NTM: variants seen among roughly 807,000 people sequenced by gnomAD.
NTM encodes neurotrimin.
Under a neutral mutation model 42.1 loss-of-function variants are expected in NTM, and 13 were observed. The ratio of observed to expected loss-of-function variants is 0.31; its 90% CI spans 0.20 to 0.49. The LOEUF (loss-of-function observed/expected upper bound fraction) is 0.49, where lower values mean the gene tolerates loss of function less well. Among genes scored for constraint, NTM ranks in the 20% least tolerant of loss-of-function variants. NTM has a pLI of 0.99. For missense variants in NTM, 373 were observed against 452.8 expected (o/e 0.82, Z 1.60); for synonymous variants, 187 against 179.2 (o/e 1.04, Z -0.35).
chr11:131,588,218 A>G (rs2059049358), intron 1 of NTM, among the ~76,000 whole-genome samples: 1 of 152,258 alleles, frequency 6.6e-6, no homozygotes, highest in African/African-American at 2.4e-5. Flanking sequence ...GACTGTTGGC[A>G]GGTTTTGGTC....
At chr11:131,839,068 C>G (rs1385763306) in intron 1 of NTM, among the ~76,000 whole-genome samples, 5 of 151,406 alleles carry the variant, frequency 3.3e-5, no homozygotes, top group Non-Finnish European at 7.4e-5. Flanking sequence ...TCATGCGATT[C>G]TCCTGCCTCA....
At chr11:132,028,724 C>G (rs949982556) in intron 2 of NTM, among the ~76,000 whole-genome samples, 3 of 152,162 alleles carry the variant, frequency 2.0e-5, no homozygotes, top group African/African-American at 7.2e-5. Context: ...GGTATTTTCC[C>G]TTCCCTGCAT....
chr11:131,802,421 T>C (rs1944204149), intron 1 of NTM, among the ~76,000 whole-genome samples: 1 of 152,232 alleles, frequency 6.6e-6, no homozygotes, highest in African/African-American at 2.4e-5. Flanking sequence ...TTCCCTGCTA[T>C]CGCCTCCAAC....
intron 4 of NTM, among the ~76,000 whole-genome samples, chr11:132,303,587 G>T (rs2094946321): frequency 6.6e-6 from 1 of 151,992 alleles, no homozygotes; most frequent in Non-Finnish European, 1.5e-5. Context: ...TGATGGTTAG[G>T]ATCTCAACAT....
intron 1 of NTM, among the ~76,000 whole-genome samples, chr11:131,431,708 T>G (rs1231006434): frequency 3.3e-5 from 5 of 152,238 alleles, no homozygotes; most frequent in Non-Finnish European, 7.3e-5. Context: ...TAAAGTCATT[T>G]TGGCTTCTAT....
intron 1 of NTM, among the ~76,000 whole-genome samples, chr11:131,531,381 C>T (rs573535347): frequency 6.6e-6 from 1 of 152,246 alleles, no homozygotes; most frequent in African/African-American, 2.4e-5. Flanking sequence ...CTTCTGGACT[C>T]AAGTGATCCT....
chr11:131,967,570 G>C (rs935924783), intron 2 of NTM, among the ~76,000 whole-genome samples: 16 of 152,258 alleles, frequency 1.1e-4, no homozygotes, highest in African/African-American at 3.9e-4. Flanking sequence ...GGAGGAGCAA[G>C]GAGCAGGCAG....
At chr11:131,433,676 C>T (rs1424165231) in intron 1 of NTM, among the ~76,000 whole-genome samples, 1 of 152,178 alleles carries the variant, frequency 6.6e-6, no homozygotes, top group Non-Finnish European at 1.5e-5. Context: ...TAGAAATGTG[C>T]CTCTCTGATT....
At chr11:131,906,696 A>G (rs1196199045) in intron 1 of NTM, among the ~76,000 whole-genome samples, 2 of 152,128 alleles carry the variant, frequency 1.3e-5, no homozygotes, top group African/African-American at 4.8e-5. Context: ...TCTATCCACC[A>G]TCGCTCTGCT....
chr11:131,691,457 G>A (rs2074698940), intron 1 of NTM, among the ~76,000 whole-genome samples: 2 of 152,220 alleles, frequency 1.3e-5, no homozygotes, highest in African/African-American at 4.8e-5. Context: ...CGAGAGCCGC[G>A]GGGCGTGGGC....
chr11:131,945,280 C>T (rs934860870), intron 2 of NTM, among the ~76,000 whole-genome samples: 8 of 152,322 alleles, frequency 5.3e-5, no homozygotes, highest in East Asian at 1.9e-4. Flanking sequence ...TAGCACTTAA[C>T]GGTGCATTCA....
rs2070504606 is a variant in NTM, at chr11:132,146,780, G to T, written c.400+266G>T. On this transcript the variant is annotated intron_variant, in intron 3 of 8. Coordinates refer to ENST00000683400, the MANE Select transcript of NTM (RefSeq NM_001352005.2). The surrounding 1 kb of genome is among the most constrained non-coding windows in gnomAD (Gnocchi z 4.5). ...TATCTTGTAATTATTGCTCTTCTTG[G>T]CTTTTTTCTCCCCTAAGTTTTAGTT... The T allele has an allele frequency of 4.7e-6, 2 of 423,140 alleles. No homozygotes were observed. The highest frequency in any genetic ancestry group is 8.3e-6 in the Non-Finnish European group (2 of 241,330). 26.2% of individuals were successfully genotyped at this position (423,140 alleles called of 1,614,324 possible).
chr11:131,831,771 G>T (rs1358493896), intron 1 of NTM, among the ~76,000 whole-genome samples: 3 of 151,898 alleles, frequency 2.0e-5, no homozygotes, highest in Non-Finnish European at 4.4e-5. Context: ...TTTGACTTTG[G>T]ATCTACATTA....
At chr11:131,589,898 A>T (rs2059217401) in intron 1 of NTM, among the ~76,000 whole-genome samples, 1 of 152,176 alleles carries the variant, frequency 6.6e-6, no homozygotes, top group Non-Finnish European at 1.5e-5. Flanking sequence ...AGTACATTTC[A>T]GAAAGTAGCA....
chr11:131,769,193 T>C (rs1273869315), intron 1 of NTM, among the ~76,000 whole-genome samples: 1 of 152,162 alleles, frequency 6.6e-6, no homozygotes, highest in East Asian at 1.9e-4. Context: ...TCTCCTAAGG[T>C]TTTCCTAGGT....
chr11:131,591,856 C>T lies in NTM; in HGVS notation c.82+220968C>T, dbSNP rs1190953886. ...TTCCCTGTGTCTAACCTGAATTCCTCCTGCTGCAAGGTAAACCTCCCTTCG... is the reference window on the plus strand; with the variant it reads ...TTCCCTGTGTCTAACCTGAATTCCTTCTGCTGCAAGGTAAACCTCCCTTCG... On this transcript the variant is annotated intron_variant, in intron 1 of 8. Coordinates refer to ENST00000683400, the MANE Select transcript of NTM (RefSeq NM_001352005.2). Among the ~76,000 whole-genome samples the T allele has an allele frequency of 2.6e-5, 4 of 152,280 alleles. No homozygotes were observed. The East Asian group carries it at 7.7e-4, about 29-fold the overall frequency.
intron 1 of NTM, among the ~76,000 whole-genome samples, chr11:131,695,231 C>A (rs1407307554): frequency 8.1e-6 from 1 of 123,490 alleles, no homozygotes; most frequent in Non-Finnish European, 1.6e-5. Flanking sequence ...CAGAGTGTGG[C>A]CTTAGTGTCT....
chr11:131,789,772 C>G (rs532121361), intron 1 of NTM, among the ~76,000 whole-genome samples: 1 of 144,828 alleles, frequency 6.9e-6, no homozygotes, highest in Non-Finnish European at 1.5e-5. Context: ...CTGGCTAACA[C>G]GGTGAAACCC....
In NTM at chr11:132,126,870, G is replaced by A. The variant is rs1467936067; in HGVS notation, c.168-19412G>A. Among the ~76,000 whole-genome samples, 3 of 152,174 alleles carry A rather than the reference G, an allele frequency of 2.0e-5. No individual in the cohort carries two copies. The East Asian group carries it at 5.8e-4, about 29-fold the overall frequency. Reference sequence around the variant, plus strand: ...TGTTTTCTGTGACCCGCAAAGCGTGGTTTAATTTACAGGGTGAGTTGGAAA... The same window carrying A: ...TGTTTTCTGTGACCCGCAAAGCGTGATTTAATTTACAGGGTGAGTTGGAAA... On this transcript the variant is annotated intron_variant, in intron 2 of 8. Coordinates refer to ENST00000683400, the MANE Select transcript of NTM (RefSeq NM_001352005.2).
Sources: gnomAD v4.1 joint callset for allele counts (sites outside exome capture counted in the v4.1 genomes callset) on GRCh38, gnomAD v4.1.1 for gene constraint, Gnocchi (gnomAD v3.1) non-coding constraint, MANE v1.5 for transcripts, NCBI Gene and HGNC (gene_info 2026-07-23, HGNC 2026-07-21) for gene names.